Variants in DENND3 observed in about 807,000 individuals in gnomAD.
DENND3 encodes the protein DENN domain-containing protein 3.
In DENND3, 88 loss-of-function variants were observed where a neutral mutation model predicts 135.1. That is an observed-to-expected ratio of 0.65 (90% confidence interval 0.55 to 0.78). DENND3 has a LOEUF of 0.78. Among genes scored for constraint, DENND3 ranks in the 30% least tolerant of loss-of-function variants. The pLI is 0.00. For missense variants in DENND3, 1,392 were observed against 1,688.4 expected (o/e 0.82, Z 3.08); for synonymous variants, 693 against 712.3 (o/e 0.97, Z 0.43).
intron 10 of DENND3, among the ~76,000 whole-genome samples, chr8:141,164,966 T>C (rs1159808191): frequency 6.6e-6 from 1 of 152,222 alleles, no homozygotes; most frequent in Non-Finnish European, 1.5e-5. Context: ...CTTTTGTTCA[T>C]GGGGTGGGTA....
intron 17 of DENND3, among the ~76,000 whole-genome samples, chr8:141,183,822 G>A (rs1462837412): frequency 2.6e-5 from 4 of 151,336 alleles, no homozygotes; most frequent in Non-Finnish European, 5.9e-5. Context: ...CACTCTAGCT[G>A]AAGATGGCAA....
At chr8:141,187,924 C>T (rs562014559) in intron 18 of DENND3, among the ~76,000 whole-genome samples, 7 of 152,196 alleles carry the variant, frequency 4.6e-5, no homozygotes, top group African/African-American at 7.2e-5. Flanking sequence ...CAGTGGCTCA[C>T]GCCTGTAATC....
intron 9 of DENND3, among the ~76,000 whole-genome samples, chr8:141,162,473 T>G (rs972879620): frequency 3.3e-5 from 5 of 152,166 alleles, no homozygotes; most frequent in Admixed American, 1.3e-4. Context: ...TGATAAAACT[T>G]TATTTCCCCT....
At chr8:141,148,558 T>C (rs1376184696) in intron 5 of DENND3, among the ~76,000 whole-genome samples, 2 of 152,196 alleles carry the variant, frequency 1.3e-5, no homozygotes, top group African/African-American at 4.8e-5. Flanking sequence ...ACCTGTTCTT[T>C]CCTGGGGCTC....
intron 8 of DENND3, chr8:141,158,166 G>C: frequency 7.8e-7 from 1 of 1,289,598 alleles, no homozygotes; most frequent in Non-Finnish European, 1.0e-6. Context: ...TGCTTGGGCT[G>C]TGGAATCGCT....
At chr8:141,151,099 C>T in intron 6 of DENND3, 146 bp downstream of exon 6, 1 of 1,260,282 alleles carries the variant, frequency 7.9e-7, no homozygotes, top group Non-Finnish European at 1.0e-6. Context: ...TTTTTTAAAG[C>T]CAATGTTCCC....
chr8:141,146,928 C>T lies in DENND3; in HGVS notation c.735+2669C>T, dbSNP rs1402405553. ...GGCCTGTGAGATCCGTGAACAGAGC[C>T]AGACCTCTGACTTGAGAGCAGTTTC... is the stretch of plus-strand genomic sequence containing the variant. On this transcript the variant is annotated intron_variant, in intron 5 of 22. Coordinates refer to ENST00000519811, the MANE Select transcript of DENND3 (RefSeq NM_001352890.3). This position sits in a 1 kb window ranked among gnomAD's most constrained non-coding sequence, Gnocchi z 4.3. Among the ~76,000 whole-genome samples, 3 of 152,230 alleles carry T rather than the reference C, an allele frequency of 2.0e-5. No individual in the cohort carries two copies. Among genetic ancestry groups the T allele is most frequent in the African/African-American group, 7.2e-5 (3 of 41,456 alleles).
Position 141,175,389 on chromosome 8 carries a change from A to G in DENND3, c.2465A>G (p.Gln822Arg). The change falls in exon 14 of 23, where the codon CAG (glutamine) becomes CGG (arginine). Residue 822 changes from glutamine (Q) to arginine (R), a missense_variant. Gln to Arg is a conservative substitution (Grantham distance 43, BLOSUM62 1). Transcript: ENST00000519811. This position sits in a 1 kb window ranked among gnomAD's most constrained non-coding sequence, Gnocchi z 5.4. ...GGCGTTGGCAAGATCGCCATGACCC[A>G]GAAGCGCCTGTTCCTCCTAACCGAA... ...NLGVGKIAMTQKRLFLLTEGR... is the reference protein window; with the variant it reads ...NLGVGKIAMTRKRLFLLTEGR... 1 of 1,614,220 alleles carries G rather than the reference A, an allele frequency of 6.2e-7. No individual in the cohort carries two copies. The highest frequency in any genetic ancestry group is 8.5e-7 in the Non-Finnish European group (1 of 1,180,038).
rs1011184488 is a variant in DENND3, at chr8:141,157,741, T to C, written c.1196+1771T>C. 15 of 985,712 alleles carry C rather than the reference T, an allele frequency of 1.5e-5. No homozygotes were observed. The East Asian group carries it at 3.4e-4, about 22-fold the overall frequency. 61.1% of individuals were successfully genotyped at this position (985,712 alleles called of 1,614,324 possible). ...TTCTACCTGGAAGGTTTCTGAAAAATGTTTAGGAAAACTACCTCTTTTTTT... is the reference window on the plus strand; with the variant it reads ...TTCTACCTGGAAGGTTTCTGAAAAACGTTTAGGAAAACTACCTCTTTTTTT... On this transcript the variant is annotated intron_variant, in intron 8 of 22. Transcript: ENST00000519811.
At chr8:141,188,497 G>A (rs7001673) in intron 18 of DENND3, 1 of 153,522 alleles carries the variant, frequency 6.5e-6, no homozygotes. Context: ...GTGCACAGAC[G>A]GGGGAAAAAC....
At position 141,146,619 on chromosome 8, in the gene DENND3, T is replaced by A. The variant is rs368351139; in HGVS notation, c.735+2360T>A. On this transcript the variant is annotated intron_variant, in intron 5 of 22. Transcript: ENST00000519811. The surrounding 1 kb of genome is among the most constrained non-coding windows in gnomAD (Gnocchi z 4.3). Reference sequence around the variant, plus strand: ...CTTTACTGACAATGGAAAAAATAAGTTTCTTGTATCAAAAGACACATGATT... The same window carrying A: ...CTTTACTGACAATGGAAAAAATAAGATTCTTGTATCAAAAGACACATGATT... Among the ~76,000 whole-genome samples the A allele has an allele frequency of 9.9e-4, 151 of 152,298 alleles. No individual in the cohort carries two copies. Among genetic ancestry groups the A allele is most frequent in the African/African-American group, 3.5e-3 (145 of 41,552 alleles).
intron 4 of DENND3, chr8:141,142,705 C>A (rs762821453): frequency 8.0e-5 from 18 of 225,540 alleles, no homozygotes; most frequent in Non-Finnish European, 1.2e-4. Context: ...GAATGCCAAG[C>A]CTGTACATGG....
chr8:141,170,230 T>C (rs555876517), intron 13 of DENND3, among the ~76,000 whole-genome samples: 3 of 152,286 alleles, frequency 2.0e-5, no homozygotes, highest in African/African-American at 7.2e-5. Context: ...CTTCAGGCCC[T>C]TGGGAAAAGC....
chr8:141,145,820 TATATATATATATATATATATATATATA>T lies in DENND3; in HGVS notation c.735+1562_735+1588del, dbSNP rs1178201961. Among the ~76,000 whole-genome samples the T allele has an allele frequency of 2.3e-3, 83 of 36,596 alleles. 2 individuals carry two copies. The highest frequency in any genetic ancestry group is 8.9e-3 in the Middle Eastern group (1 of 112). The allele number at this position is 36,596 out of a possible 152,430, so 24.0% of individuals were successfully genotyped here. A position where few individuals can be genotyped will look rare whatever the true frequency, so the allele number is the denominator to read the frequency against. ...ATTGAATATTATATATATATATATA[TATATATATATATATATATATATATATA>T]TATGTATTTTTTTTTTTTTGAGGCG... is the stretch of plus-strand genomic sequence containing the variant. On this transcript the variant is annotated intron_variant, in intron 5 of 22. Transcript: ENST00000519811.
At position 141,175,329 on chromosome 8, in the gene DENND3, T is replaced by C; in HGVS notation, c.2405T>C (p.Val802Ala). 1 of 1,614,172 alleles carries C rather than the reference T, an allele frequency of 6.2e-7. No homozygotes were observed. Among genetic ancestry groups the C allele is most frequent in the Non-Finnish European group, 8.5e-7 (1 of 1,180,034 alleles). Residue 802 changes from valine (V) to alanine (A), a missense_variant, in exon 14 of 23, where the codon GTG becomes GCG. Coordinates refer to ENST00000519811, the MANE Select transcript of DENND3 (RefSeq NM_001352890.3). The surrounding 1 kb of genome is among the most constrained non-coding windows in gnomAD (Gnocchi z 5.4). ...VMEHLDKNEC[V>A]CKLSSSVKTN... ...GAACACCTGGATAAAAACGAGTGTGTGTGTAAGTTGTCCAGCTCCGTCAAG... is the reference window on the plus strand; with the variant it reads ...GAACACCTGGATAAAAACGAGTGTGCGTGTAAGTTGTCCAGCTCCGTCAAG...
rs1818019630 is a variant in DENND3, at chr8:141,145,834, TATATATATATA to T, written c.735+1576_735+1586del. On this transcript the variant is annotated intron_variant, in intron 5 of 22. Coordinates refer to ENST00000519811, the MANE Select transcript of DENND3 (RefSeq NM_001352890.3). ...ATATATATATATATATATATATATA[TATATATATATA>T]TATATGTATTTTTTTTTTTTTGAGG... 4.6e-4 allele frequency among the ~76,000 whole-genome samples: 38 copies of T among 82,276 alleles called. 2 individuals carry two copies. The highest frequency in any genetic ancestry group is 3.3e-3 in the African/African-American group (38 of 11,550). The allele number at this position is 82,276 out of a possible 152,430, so 54.0% of individuals were successfully genotyped here. A position where few individuals can be genotyped will look rare whatever the true frequency, so the allele number is the denominator to read the frequency against.
In DENND3 at chr8:141,160,757, C is replaced by T. The variant is rs746167665; in HGVS notation, c.1322C>T (p.Thr441Ile). The T allele has an allele frequency of 6.8e-6, 11 of 1,612,830 alleles. 1 individual carries two copies. Among genetic ancestry groups the T allele is most frequent in the South Asian group, 5.5e-5 (5 of 91,064 alleles). The change falls in exon 9 of 23, where the codon ACC becomes ATC. Residue 441 changes from threonine to isoleucine, a missense_variant. Thr to Ile is a moderately conservative substitution (Grantham distance 89). Transcript: ENST00000519811. ...QQKLNCQIQQ[T>I]TLQLLVSIFR... is the part of the protein sequence containing the mutation. ...AAACTCAACTGCCAGATACAGCAGA[C>T]CACCCTGCAGCTGCTCGTGAGCATC...
rs1461632185 is a variant in DENND3, at chr8:141,151,836, A to C, written c.1073A>C (p.Lys358Thr). Residue 358 changes from lysine to threonine, a missense_variant and splice_region_variant, in exon 7 of 23, where the codon AAG becomes ACG. By Grantham distance (78) the Lys-to-Thr change is moderately conservative. Transcript: ENST00000519811. Reference sequence around the variant, plus strand: ...CTCGACCACTTCGAAGAAGTCAGCAAGGTTAGGTAGCGAACCTTTGACTTG... The same window carrying C: ...CTCGACCACTTCGAAGAAGTCAGCACGGTTAGGTAGCGAACCTTTGACTTG... ...CHLDHFEEVS[K>T]EADGLVLINI... 1 of 1,613,828 alleles carries C rather than the reference A, an allele frequency of 6.2e-7. No homozygotes were observed. The highest frequency in any genetic ancestry group is 1.3e-5 in the African/African-American group (1 of 74,948).
intron 22 of DENND3, chr8:141,193,710 T>C: frequency 2.4e-6 from 1 of 414,386 alleles, no homozygotes; most frequent in Non-Finnish European, 4.4e-6. Flanking sequence ...GTATACATTG[T>C]GAAATAATCA....
Sources: gnomAD v4.1 joint callset for allele counts (sites outside exome capture counted in the v4.1 genomes callset) on GRCh38, gnomAD v4.1.1 for gene constraint, Gnocchi (gnomAD v3.1) non-coding constraint, MANE v1.5 for transcripts, NCBI Gene and HGNC (gene_info 2026-07-23, HGNC 2026-07-21) for gene names.